The following PAX2 variants were observed in gnomAD, a reference collection of about 807,000 sequenced individuals.
PAX2 encodes the protein paired box protein Pax-2.
Under a neutral mutation model 41.7 loss-of-function variants are expected in PAX2, and 9 were observed. That is an observed-to-expected ratio of 0.22 (90% CI 0.13 to 0.38). The LOEUF is 0.38. PAX2 is among the 10% of genes least tolerant of loss of function. PAX2 has a pLI of 1.00. For missense variants in PAX2, 418 were observed against 531.6 expected, an observed-to-expected ratio of 0.79 and a Z score of 2.10; for synonymous variants, 221 against 212.7, an observed-to-expected ratio of 1.04 and a Z score of -0.34.
chr10:100,825,469 A>T (rs1026427677), intron 8 of PAX2, among the ~76,000 whole-genome samples: 3 of 152,124 alleles, frequency 2.0e-5, no homozygotes, highest in African/African-American at 4.8e-5. Flanking sequence ...CTGCAGCTGG[A>T]GGTTGTACTA....
intron 1 of PAX2, among the ~76,000 whole-genome samples, chr10:100,739,343 T>G (rs945850656): frequency 6.6e-6 from 1 of 152,082 alleles, no homozygotes; most frequent in Non-Finnish European, 1.5e-5. Flanking sequence ...CCTCCCAGTC[T>G]CTCTGGCGGG....
In PAX2 at chr10:100,749,802, C is replaced by T. The variant is rs781602613; in HGVS notation, c.100C>T (p.Pro34Ser). The change falls in exon 2 of 10, where the codon CCC becomes TCC. Residue 34 changes from proline to serine, a missense_variant. Pro to Ser is a moderately conservative substitution (Grantham distance 74). Transcript: ENST00000355243. ...GGVFVNGRPLPDVVRQRIVEL... is the reference protein window; with the variant it reads ...GGVFVNGRPLSDVVRQRIVEL... ...GGTGTTTGTGAACGGCCGGCCCCTA[C>T]CCGACGTGGTGAGGCAGCGCATCGT... The T allele has an allele frequency of 1.2e-6, 2 of 1,611,834 alleles. No homozygotes were observed. Among genetic ancestry groups the T allele is most frequent in the South Asian group, 2.2e-5 (2 of 90,876 alleles).
Position 100,781,336 on chromosome 10 carries a change from C to T in PAX2, c.587C>T (p.Ser196Phe), listed in dbSNP as rs1234454137. The change falls in exon 5 of 10, where the codon TCC (serine) becomes TTC (phenylalanine). Residue 196 changes from serine (S) to phenylalanine (F), a missense_variant. Transcript: ENST00000355243. ...SINGILGIPR[S>F]NGEKRKRDED... ...AATGGGATCCTGGGGATTCCTCGCT[C>T]CAATGGTGAGAAGAGGAAACGTGAT... The T allele has an allele frequency of 6.2e-6, 10 of 1,613,782 alleles. No individual in the cohort carries two copies. Among genetic ancestry groups the T allele is most frequent in the Non-Finnish European group, 7.6e-6 (9 of 1,179,780 alleles).
chr10:100,756,725 A>T (rs1220799149), intron 3 of PAX2, among the ~76,000 whole-genome samples: 1 of 152,136 alleles, frequency 6.6e-6, no homozygotes, highest in Non-Finnish European at 1.5e-5. Flanking sequence ...TTTATTTTTC[A>T]CTTCCTGTCC....
chr10:100,747,906 C>A (rs980983013), intron 1 of PAX2: 1 of 984,416 alleles, frequency 1.0e-6, no homozygotes, highest in Non-Finnish European at 1.2e-6. Flanking sequence ...CGCCGGGGGT[C>A]CGCCGAGTCC....
chr10:100,747,791 G>C, intron 1 of PAX2: 1 of 984,944 alleles, frequency 1.0e-6, no homozygotes, highest in Non-Finnish European at 1.2e-6. Context: ...GGAAAGCCTC[G>C]GTCCTTTTCG....
At chr10:100,802,951 C>G (rs1314793134) in intron 5 of PAX2, among the ~76,000 whole-genome samples, 1 of 152,142 alleles carries the variant, frequency 6.6e-6, no homozygotes, top group Non-Finnish European at 1.5e-5. Flanking sequence ...TCTCTTTCTT[C>G]CTCCTTGCCG....
chr10:100,747,493 A>T, intron 1 of PAX2: 1 of 406,488 alleles, frequency 2.5e-6, no homozygotes, highest in Non-Finnish European at 3.3e-6. Context: ...TTTTTTTTAA[A>T]AGCTAAAATT....
upstream of PAX2, among the ~76,000 whole-genome samples, chr10:100,744,254 G>C (rs533074101): frequency 2.6e-5 from 4 of 152,338 alleles, no homozygotes; most frequent in South Asian, 8.3e-4. Flanking sequence ...CTCGGATTCG[G>C]GCTGCAAGAG....
chr10:100,815,565 A>G (rs1391698232), intron 7 of PAX2, among the ~76,000 whole-genome samples: 2 of 152,130 alleles, frequency 1.3e-5, no homozygotes, highest in Admixed American at 6.5e-5. Context: ...CCAGCCCCCA[A>G]CCTCAGCTCT....
chr10:100,751,265 G>A (rs540972184), intron 3 of PAX2, among the ~76,000 whole-genome samples: 11 of 152,178 alleles, frequency 7.2e-5, no homozygotes, highest in African/African-American at 2.4e-4. Context: ...AAACAGACTG[G>A]CCTTTCTAAA....
chr10:100,805,739 C>A (rs374052125), intron 5 of PAX2, among the ~76,000 whole-genome samples: 1 of 152,172 alleles, frequency 6.6e-6, no homozygotes, highest in Non-Finnish European at 1.5e-5. Context: ...GCCGAGAAGG[C>A]GGCCAGGGCA....
rs551073266 is a variant in PAX2 at position 100,775,185 on chromosome 10, G to A, written c.411-4313G>A. Among the ~76,000 whole-genome samples, 307 of 152,344 alleles carry A rather than the reference G, an allele frequency of 2.0e-3. 3 individuals are homozygous for A. Among genetic ancestry groups the A allele is most frequent in the Non-Finnish European group, 2.1e-4 (14 of 68,034 alleles). On this transcript the variant is annotated intron_variant, in intron 3 of 9. Transcript: ENST00000355243. ...GTCAAACCTGCCTGGGGCCGTGGAG[G>A]TTTGATGTGTGTCTGGCTGTCTTGT...
At chr10:100,757,378 G>A (rs1196143627) in intron 3 of PAX2, among the ~76,000 whole-genome samples, 1 of 152,242 alleles carries the variant, frequency 6.6e-6, no homozygotes, top group Non-Finnish European at 1.5e-5. Flanking sequence ...TCATTTCACA[G>A]TCTAGGCAAA....
At chr10:100,818,249 T>G (rs1457683815) in intron 7 of PAX2, among the ~76,000 whole-genome samples, 1 of 152,236 alleles carries the variant, frequency 6.6e-6, no homozygotes, top group Non-Finnish European at 1.5e-5. Flanking sequence ...ATAGAACTTT[T>G]GCTATATAAA....
chr10:100,806,614 G>T lies in PAX2; in HGVS notation c.792+9G>T, dbSNP rs79552202. On this transcript the variant is annotated intron_variant, in intron 6 of 9. Transcript: ENST00000355243. ...ACATCAAATCAGAACAGGTGAGGAG[G>T]GAGCTTTCTGCTTGCAGAAGTAGAA... 6.2e-7 allele frequency: 1 copy of T among 1,612,886 alleles called. No individual in the cohort carries two copies. The highest frequency in any genetic ancestry group is 1.1e-5 in the South Asian group (1 of 91,060).
At chr10:100,818,928 C>T (rs993292317) in intron 7 of PAX2, among the ~76,000 whole-genome samples, 17 of 152,286 alleles carry the variant, frequency 1.1e-4, no homozygotes, top group African/African-American at 2.4e-4. Flanking sequence ...TATTTGGCCC[C>T]TCTGAGTTTA....
intron 3 of PAX2, among the ~76,000 whole-genome samples, chr10:100,752,616 C>T (rs927178428): frequency 1.4e-4 from 21 of 152,180 alleles, no homozygotes; most frequent in Middle Eastern, 3.2e-3. Flanking sequence ...TTCTGCAGAA[C>T]ATTTAAGAGA....
At position 100,826,514 on chromosome 10, in the gene PAX2, G is replaced by T. The variant is rs752383008; in HGVS notation, c.1022-495G>T. On this transcript the variant is annotated intron_variant, in intron 8 of 9. Coordinates refer to ENST00000355243, the MANE Select transcript of PAX2 (RefSeq NM_000278.5). This position sits in a 1 kb window ranked among gnomAD's most constrained non-coding sequence, Gnocchi z 5.5. ...CGGGAGGGCGGTGTCTCCCAAAAGAGCTCCCACCTCTTGTGTTGGCACTGC... is the reference window on the plus strand; with the variant it reads ...CGGGAGGGCGGTGTCTCCCAAAAGATCTCCCACCTCTTGTGTTGGCACTGC... 2.1e-3 allele frequency among the ~76,000 whole-genome samples: 318 copies of T among 152,212 alleles called. 2 individuals carry two copies. The highest frequency in any genetic ancestry group is 3.7e-3 in the Non-Finnish European group (249 of 67,990).
Sources: allele counts gnomAD v4.1 joint callset (sites outside exome capture counted in the v4.1 genomes callset), GRCh38; gene constraint gnomAD v4.1.1; non-coding constraint Gnocchi (gnomAD v3.1); transcripts MANE v1.5; gene names NCBI Gene and HGNC (gene_info 2026-07-23, HGNC 2026-07-21).